Variants in FHIT observed in about 807,000 individuals in gnomAD.
FHIT encodes the protein fragile histidine triad diadenosine triphosphatase, also known as bis(5'-adenosyl)-triphosphatase.
In FHIT, 19 loss-of-function variants were observed where a neutral mutation model predicts 17.9. The ratio of observed to expected loss-of-function variants is 1.06; its 90% CI spans 0.74 to 1.56. The LOEUF is 1.56. FHIT is among the 40% of genes most tolerant of loss of function. The pLI, the probability that FHIT is intolerant of heterozygous loss-of-function variation, is 0.00. For missense variants in FHIT, 248 were observed against 189.2 expected (o/e 1.31, Z -1.82); for synonymous variants, 81 against 69.7 (o/e 1.16, Z -0.81).
At chr3:60,138,771 A>T (rs1384798824) in intron 5 of FHIT, among the ~76,000 whole-genome samples, 1 of 152,124 alleles carries the variant, frequency 6.6e-6, no homozygotes, top group Non-Finnish European at 1.5e-5. Context: ...GACATCCAGG[A>T]TGACCACGAG....
At chr3:60,517,413 T>C (rs568482985) in intron 5 of FHIT, among the ~76,000 whole-genome samples, 2 of 145,402 alleles carry the variant, frequency 1.4e-5, no homozygotes, top group African/African-American at 5.2e-5. Flanking sequence ...GTCTTTTAGA[T>C]AGCATCGGAA....
At chr3:59,891,480 G>A (rs762941485) in intron 8 of FHIT, among the ~76,000 whole-genome samples, 1 of 152,134 alleles carries the variant, frequency 6.6e-6, no homozygotes, top group Non-Finnish European at 1.5e-5. Context: ...AAATGTGCAG[G>A]GCATGGCCGT....
chr3:59,987,471 C>T (rs1248990939), intron 7 of FHIT, among the ~76,000 whole-genome samples: 1 of 151,998 alleles, frequency 6.6e-6, no homozygotes, highest in African/African-American at 2.4e-5. Flanking sequence ...TGTCATTTTC[C>T]TCTTTCTTGC....
At chr3:60,524,346 T>C (rs759120727) in intron 5 of FHIT, among the ~76,000 whole-genome samples, 8 of 152,172 alleles carry the variant, frequency 5.3e-5, no homozygotes, top group Non-Finnish European at 1.0e-4. Context: ...TTCTGTGACA[T>C]TTGAGCACAA....
intron 5 of FHIT, among the ~76,000 whole-genome samples, chr3:60,308,669 C>T (rs1708798972): frequency 6.6e-6 from 1 of 151,990 alleles, no homozygotes; most frequent in Non-Finnish European, 1.5e-5. Flanking sequence ...ACTGTCTGAA[C>T]ACAACATTGT....
intron 8 of FHIT, among the ~76,000 whole-genome samples, chr3:59,757,866 C>CTGTT (rs1374235621): frequency 6.6e-6 from 1 of 152,154 alleles, no homozygotes; most frequent in Non-Finnish European, 1.5e-5. Context: ...ATCTGATCCT[C>CTGTT]TCTTATTACT....
chr3:59,796,586 G>A lies in FHIT; in HGVS notation c.349-44265C>T, dbSNP rs540582588. 7.5e-4 allele frequency among the ~76,000 whole-genome samples: 114 copies of A among 152,300 alleles called. 3 individuals carry two copies. The South Asian group carries it at 0.023, about 30-fold the overall frequency. The stretch of plus-strand genomic sequence containing the variant: ...TAATCCTCGTCCTCCTTCTCTCACA[G>A]CATTTCTTTGATGAGCAAATGAGAT... On this transcript the variant is annotated intron_variant, in intron 8 of 9. Transcript: ENST00000492590.
At chr3:60,306,928 G>A (rs1708698010) in intron 5 of FHIT, among the ~76,000 whole-genome samples, 1 of 152,114 alleles carries the variant, frequency 6.6e-6, no homozygotes, top group African/African-American at 2.4e-5. Context: ...CTTAGCCACA[G>A]TAATAAGACC....
At chr3:60,354,786 A>G (rs1369205340) in intron 5 of FHIT, among the ~76,000 whole-genome samples, 2 of 152,154 alleles carry the variant, frequency 1.3e-5, no homozygotes, top group East Asian at 1.9e-4. Flanking sequence ...ATAAACCATT[A>G]TCTTAGGGAA....
At chr3:59,954,484 C>G (rs148968799) in intron 7 of FHIT, among the ~76,000 whole-genome samples, 1 of 152,270 alleles carries the variant, frequency 6.6e-6, no homozygotes, top group East Asian at 1.9e-4. Context: ...CCTCTCAACT[C>G]TCACCTAAGG....
chr3:60,629,333 G>C (rs1224511740), intron 4 of FHIT, among the ~76,000 whole-genome samples: 3 of 152,162 alleles, frequency 2.0e-5, no homozygotes, highest in Non-Finnish European at 4.4e-5. Flanking sequence ...TTCTTAGGGA[G>C]ATTCTTCAGA....
intron 4 of FHIT, among the ~76,000 whole-genome samples, chr3:60,574,102 G>A (rs535324553): frequency 9.2e-5 from 14 of 152,176 alleles, no homozygotes; most frequent in South Asian, 2.1e-4. Flanking sequence ...GAGCCACCAC[G>A]TCTGGTTAGT....
At chr3:60,151,139 G>A (rs1434225073) in intron 5 of FHIT, among the ~76,000 whole-genome samples, 11 of 152,122 alleles carry the variant, frequency 7.2e-5, no homozygotes, top group Admixed American at 7.2e-4. Context: ...GACTGGACAT[G>A]AGAATTATTA....
chr3:60,407,077 T>TTC (rs1202974745), intron 5 of FHIT, among the ~76,000 whole-genome samples: 2 of 146,812 alleles, frequency 1.4e-5, no homozygotes, highest in African/African-American at 5.0e-5. Context: ...ATTTTTTTTT[T>TTC]TTTTTTTTTT....
chr3:60,792,020 G>T (rs1700794868), intron 4 of FHIT, among the ~76,000 whole-genome samples: 1 of 152,178 alleles, frequency 6.6e-6, no homozygotes, highest in Non-Finnish European at 1.5e-5. Context: ...CCAGGATCTT[G>T]CAGATGGTGG....
intron 5 of FHIT, among the ~76,000 whole-genome samples, chr3:60,504,048 T>C (rs2034626658): frequency 6.6e-6 from 1 of 152,160 alleles, no homozygotes; most frequent in Non-Finnish European, 1.5e-5. Context: ...AATGACCACA[T>C]AGCTCAAATG....
At chr3:61,063,693 G>T (rs1348248772) in intron 2 of FHIT, among the ~76,000 whole-genome samples, 17 of 152,194 alleles carry the variant, frequency 1.1e-4, no homozygotes, top group Admixed American at 1.1e-3. Flanking sequence ...GTGCATGACA[G>T]AAAGAGTGGT....
rs1300104398 is a variant in FHIT, at chr3:59,913,816, A to G, written c.348+8530T>C. Among the ~76,000 whole-genome samples the G allele has an allele frequency of 2.0e-5, 3 of 152,182 alleles. No individual in the cohort carries two copies. In the East Asian group the frequency reaches 5.8e-4, roughly 29 times the overall value. On this transcript the variant is annotated intron_variant, in intron 8 of 9. Transcript: ENST00000492590. ...ATTTAAATAGCAAGTTAAACATTAA[A>G]CAGTTTGCAATAAACCACTATGTTG...
chr3:59,829,216 A>G (rs1306581880), intron 8 of FHIT, among the ~76,000 whole-genome samples: 2 of 152,126 alleles, frequency 1.3e-5, no homozygotes, highest in Non-Finnish European at 2.9e-5. Context: ...TACACAATTA[A>G]TTTTTTCTAG....
Sources: allele counts gnomAD v4.1 joint callset (sites outside exome capture counted in the v4.1 genomes callset), GRCh38; gene constraint gnomAD v4.1.1; transcripts MANE v1.5; gene names NCBI Gene and HGNC (gene_info 2026-07-23, HGNC 2026-07-21).